Variants in PROZ observed in about 807,000 individuals in gnomAD.
PROZ encodes the protein vitamin K-dependent protein Z.
Under a neutral mutation model 34.9 loss-of-function variants are expected in PROZ, and 46 were observed. The ratio of observed to expected loss-of-function variants is 1.32; its 90% CI spans 1.04 to 1.69. The LOEUF (loss-of-function observed/expected upper bound fraction) is 1.69. PROZ is among the 40% of genes most tolerant of loss of function. The pLI is 0.00. For synonymous variants in PROZ, 195 were observed against 208.5 expected, an observed-to-expected ratio of 0.94 and a Z score of 0.56; for missense variants, 530 against 520.4, an observed-to-expected ratio of 1.02 and a Z score of -0.18.
chr13:113,160,924 C>T lies in PROZ; in HGVS notation c.235-24C>T, dbSNP rs3024722. Reference sequence around the variant, plus strand: ...AGAAAAACAAATATCCCATTTGTAACATTTTTATGTTTTAACTCTAAAGGA... The same window carrying T: ...AGAAAAACAAATATCCCATTTGTAATATTTTTATGTTTTAACTCTAAAGGA... On this transcript the variant is annotated intron_variant, in intron 2 of 7. Transcript: ENST00000375547. 422 of 1,584,634 alleles carry T rather than the reference C, an allele frequency of 2.7e-4. 1 individual carries two copies. In the African/African-American group the frequency reaches 4.7e-3, roughly 18 times the overall value.
At position 113,160,178 on chromosome 13, in the gene PROZ, G is replaced by T; in HGVS notation, c.234+1G>T. 1 of 1,614,014 alleles carries T rather than the reference G, an allele frequency of 6.2e-7. No homozygotes were observed. Among genetic ancestry groups the T allele is most frequent in the Non-Finnish European group, 8.5e-7 (1 of 1,179,978 alleles). ...AGTGTTTGAAAATGAAGTAGTCACT[G>T]TATGTACCCCCACCACAAACCACAG... On this transcript the variant is annotated splice_donor_variant, in intron 2 of 7. Transcript: ENST00000375547. LOFTEE classifies it high-confidence loss of function.
intron 6 of PROZ, among the ~76,000 whole-genome samples, chr13:113,166,679 C>G (rs1247211943): frequency 1.3e-5 from 2 of 152,244 alleles, no homozygotes; most frequent in Non-Finnish European, 2.9e-5. Flanking sequence ...CAAACTTCCT[C>G]TCAATCTTTT....
chr13:113,170,203 CT>C (rs1347647506), intron 6 of PROZ, among the ~76,000 whole-genome samples: 1 of 149,048 alleles, frequency 6.7e-6, no homozygotes, highest in African/African-American at 2.5e-5. Context: ...CATTTAATCC[CT>C]AAGCAAACAA....
rs181672350 is a variant in PROZ at position 113,166,465 on chromosome 13, C to T, written c.573+1345C>T. 5.9e-5 allele frequency: 9 copies of T among 152,174 alleles called. No homozygotes were observed. In the South Asian group the frequency reaches 8.3e-4, roughly 14 times the overall value. 9.4% of individuals were successfully genotyped at this position (152,174 alleles called of 1,614,324 possible). On this transcript the variant is annotated intron_variant, in intron 6 of 7. Coordinates refer to ENST00000375547, the MANE Select transcript of PROZ (RefSeq NM_003891.3). ...CCCTGAGGTTTCTGTGTGTGACACC[C>T]GTCAGTTTCACCCGACTCTTACAAG...
At chr13:113,164,260 G>A (rs2036850565) in intron 4 of PROZ, among the ~76,000 whole-genome samples, 2 of 152,128 alleles carry the variant, frequency 1.3e-5, no homozygotes, top group Non-Finnish European at 2.9e-5. Flanking sequence ...TTACAGGCAT[G>A]AGCCACCGCG....
At chr13:113,168,940 G>A (rs2037028439) in intron 6 of PROZ, among the ~76,000 whole-genome samples, 1 of 152,114 alleles carries the variant, frequency 6.6e-6, no homozygotes, top group South Asian at 2.1e-4. Context: ...TGTTGCTCAG[G>A]CTGGTCTCAA....
rs1197745821 is a variant in PROZ, at chr13:113,171,556, T to C, written c.692-38T>C. 2.5e-6 allele frequency: 4 copies of C among 1,613,310 alleles called. No individual in the cohort carries two copies. Among genetic ancestry groups the C allele is most frequent in the South Asian group, 2.2e-5 (2 of 91,036 alleles). On this transcript the variant is annotated intron_variant, in intron 7 of 7. Transcript: ENST00000375547. The surrounding 1 kb of genome is among the most constrained non-coding windows in gnomAD (Gnocchi z 5.1). Reference sequence around the variant, plus strand: ...TTTGAGCATTATGTCCCCTTGAAAATCAGACTGTAAAGAACTGACGATTGT... The same window carrying C: ...TTTGAGCATTATGTCCCCTTGAAAACCAGACTGTAAAGAACTGACGATTGT...
chr13:113,164,654 C>CA lies in PROZ; in HGVS notation c.505+11dup. ...CAGTGTGTGCCCCACGGTGAGTGCT[C>CA]AGACCACAGCGGCCTCCAGCTTCCA... On this transcript the variant is annotated intron_variant, in intron 5 of 7. Transcript: ENST00000375547. 6.2e-7 allele frequency: 1 copy of CA among 1,613,268 alleles called. No individual in the cohort carries two copies. Among genetic ancestry groups the CA allele is most frequent in the Non-Finnish European group, 8.5e-7 (1 of 1,179,888 alleles).
rs1262881001 is a variant in PROZ at position 113,159,241 on chromosome 13, C to T, written c.70+511C>T. 1.9e-6 allele frequency: 3 copies of T among 1,548,784 alleles called. No individual in the cohort carries two copies. Among genetic ancestry groups the T allele is most frequent in the Non-Finnish European group, 2.6e-6 (3 of 1,145,240 alleles). ...CGACATGGACTCCATTCTGACTCTG[C>T]CTGCACAGGCGTCCAGGAAAGCTGC... On this transcript the variant is annotated intron_variant, in intron 1 of 7. Coordinates refer to ENST00000375547, the MANE Select transcript of PROZ (RefSeq NM_003891.3). This position sits in a 1 kb window ranked among gnomAD's most constrained non-coding sequence, Gnocchi z 4.6.
Position 113,164,779 on chromosome 13 carries a change from G to A in PROZ, c.505+135G>A, listed in dbSNP as rs1010507536. 5.8e-6 allele frequency: 8 copies of A among 1,389,198 alleles called. No homozygotes were observed. The South Asian group carries it at 7.5e-5, about 13-fold the overall frequency. The allele number at this position is 1,389,198 out of a possible 1,614,324, so 86.1% of individuals were successfully genotyped here. ...TGCCACGACTCAGAAGGTGGTCCGC[G>A]TCTCCACGCTGGAGCAATGGCCATG... On this transcript the variant is annotated intron_variant, in intron 5 of 7. Coordinates refer to ENST00000375547, the MANE Select transcript of PROZ (RefSeq NM_003891.3).
At chr13:113,167,759 G>C (rs1161985618) in intron 6 of PROZ, among the ~76,000 whole-genome samples, 2 of 152,112 alleles carry the variant, frequency 1.3e-5, no homozygotes, top group African/African-American at 4.8e-5. Context: ...CCTTTTAATT[G>C]GGGTATTTAG....
chr13:113,161,634 C>T (rs1362412024), intron 3 of PROZ, among the ~76,000 whole-genome samples: 1 of 152,134 alleles, frequency 6.6e-6, no homozygotes, highest in Admixed American at 6.5e-5. Context: ...AGAAAGGGCA[C>T]CCAGCAGAGT....
intron 7 of PROZ, among the ~76,000 whole-genome samples, chr13:113,170,907 C>T (rs1307534260): frequency 6.6e-6 from 1 of 150,482 alleles, no homozygotes; most frequent in Non-Finnish European, 1.5e-5. Flanking sequence ...TTCTCATCGG[C>T]TTATCTGTGC....
At chr13:113,163,529 G>C (rs1210633292) in intron 4 of PROZ, among the ~76,000 whole-genome samples, 1 of 152,172 alleles carries the variant, frequency 6.6e-6, no homozygotes, top group East Asian at 1.9e-4. Context: ...CCAAATGTCA[G>C]TGTCCATCAT....
rs778739628 is a variant in PROZ, at chr13:113,171,841, G to A, written c.939G>A (p.Ser313=). The change falls in exon 8 of 8, where the codon TCG becomes TCA. Residue 313 remains serine (S), a synonymous_variant. Transcript: ENST00000375547. This position sits in a 1 kb window ranked among gnomAD's most constrained non-coding sequence, Gnocchi z 5.1. ...WARNGTDLGN[S]LTTRPVTLVE... ...GCAATGGCACTGACCTGGGCAACTC[G>A]CTGACCACGCGGCCTGTCACACTTG... 1.9e-5 allele frequency: 31 copies of A among 1,613,502 alleles called. No individual in the cohort carries two copies. The highest frequency in any genetic ancestry group is 1.7e-4 in the Admixed American group (10 of 60,004).
At position 113,159,101 on chromosome 13, in the gene PROZ, A is replaced by C. The variant is rs1372079245; in HGVS notation, c.70+371A>C. On this transcript the variant is annotated intron_variant, in intron 1 of 7. Coordinates refer to ENST00000375547, the MANE Select transcript of PROZ (RefSeq NM_003891.3). This position sits in a 1 kb window ranked among gnomAD's most constrained non-coding sequence, Gnocchi z 4.6. ...AGCCCAGACTGCAATGTGGGCAGAG[A>C]GAGCCTTGGCCAGGCCAGCCAGGAA... 4 of 979,550 alleles carry C rather than the reference A, an allele frequency of 4.1e-6. No individual in the cohort carries two copies. Among genetic ancestry groups the C allele is most frequent in the Non-Finnish European group, 6.3e-6 (4 of 635,846 alleles). The allele number at this position is 979,550 out of a possible 1,614,324, so 60.7% of individuals were successfully genotyped here. A position where few individuals can be genotyped will look rare whatever the true frequency, so the allele number is the denominator to read the frequency against.
chr13:113,170,439 A>T lies in PROZ; in HGVS notation c.600A>T (p.Lys200Asn). Residue 200 changes from lysine (K) to asparagine (N), a missense_variant, in exon 7 of 8, where the codon AAA becomes AAT. Transcript: ENST00000375547. Reference protein sequence around the residue: ...WQVKLTNSEGKDFCGGVIIRE... With the variant: ...WQVKLTNSEGNDFCGGVIIRE... ...TAAAGTTAACAAATTCCGAAGGAAAAGACTTCTGTGGTGGTGTTATAATAC... is the reference window on the plus strand; with the variant it reads ...TAAAGTTAACAAATTCCGAAGGAAATGACTTCTGTGGTGGTGTTATAATAC... 6.2e-7 allele frequency: 1 copy of T among 1,607,144 alleles called. No homozygotes were observed. The highest frequency in any genetic ancestry group is 2.2e-5 in the East Asian group (1 of 44,866).
rs1048098959 is a variant in PROZ at position 113,171,417 on chromosome 13, T to C, written c.692-177T>C. Among the ~76,000 whole-genome samples, 2 of 152,180 alleles carry C rather than the reference T, an allele frequency of 1.3e-5. No homozygotes were observed. The highest frequency in any genetic ancestry group is 2.9e-5 in the Non-Finnish European group (2 of 68,038). On this transcript the variant is annotated intron_variant, in intron 7 of 7. Transcript: ENST00000375547. The surrounding 1 kb of genome is among the most constrained non-coding windows in gnomAD (Gnocchi z 5.1). Reference sequence around the variant, plus strand: ...GGCACTTGGTTGCAATCGTGCAATCTGTGAGTGGCCTTTCTGTCCGCAGAA... The same window carrying C: ...GGCACTTGGTTGCAATCGTGCAATCCGTGAGTGGCCTTTCTGTCCGCAGAA...
At chr13:113,163,327 G>C (rs546679216) in intron 4 of PROZ, among the ~76,000 whole-genome samples, 1 of 152,098 alleles carries the variant, frequency 6.6e-6, no homozygotes, top group Non-Finnish European at 1.5e-5. Flanking sequence ...TGCATTCTGA[G>C]CTGCCCCTTC....
Sources: gnomAD v4.1 joint callset for allele counts (sites outside exome capture counted in the v4.1 genomes callset) on GRCh38, gnomAD v4.1.1 for gene constraint, Gnocchi (gnomAD v3.1) non-coding constraint, MANE v1.5 for transcripts, NCBI Gene and HGNC (gene_info 2026-07-23, HGNC 2026-07-21) for gene names.